PHLPP1: variants seen among roughly 807,000 people sequenced by gnomAD.
The protein encoded by PHLPP1 is PH domain and leucine rich repeat protein phosphatase 1.
PHLPP1 carries 42 observed loss-of-function variants against 117.2 expected under a neutral mutation model. The observed-to-expected ratio is 0.36, with a 90% CI of 0.28 to 0.46. PHLPP1 has a LOEUF of 0.46. Among genes scored for constraint, PHLPP1 ranks in the 20% least tolerant of loss-of-function variants. The probability of loss-of-function intolerance (pLI) is 1.00; values close to 1 mark genes in which losing one functional copy is unlikely to be tolerated. For missense variants in PHLPP1, 2,084 were observed against 2,241.9 expected (o/e 0.93, Z 1.42); for synonymous variants, 1,042 against 970.7 (o/e 1.07, Z -1.37).
At chr18:62,912,472 A>G (rs141484364) in intron 8 of PHLPP1, among the ~76,000 whole-genome samples, 2 of 151,988 alleles carry the variant, frequency 1.3e-5, no homozygotes, top group African/African-American at 4.8e-5. Context: ...ATCAGACATT[A>G]CCTAATTAGT....
chr18:62,752,713 A>G (rs1349107869), intron 1 of PHLPP1, among the ~76,000 whole-genome samples: 1 of 152,224 alleles, frequency 6.6e-6, no homozygotes, highest in Non-Finnish European at 1.5e-5. Flanking sequence ...TGAATACATT[A>G]TCAGGGGATG....
intron 3 of PHLPP1, among the ~76,000 whole-genome samples, chr18:62,846,797 T>A (rs559020132): frequency 7.9e-5 from 12 of 152,340 alleles, no homozygotes; most frequent in African/African-American, 2.6e-4. Flanking sequence ...TTGGATTGTA[T>A]TAAGTTTTTG....
chr18:62,755,561 G>C (rs1911990376), intron 1 of PHLPP1, among the ~76,000 whole-genome samples: 1 of 152,156 alleles, frequency 6.6e-6, no homozygotes, highest in South Asian at 2.1e-4. Context: ...GCCTGAGAGA[G>C]ACTATTCTTC....
chr18:62,871,149 T>C (rs1915890996), intron 4 of PHLPP1, among the ~76,000 whole-genome samples: 1 of 152,166 alleles, frequency 6.6e-6, no homozygotes, highest in Non-Finnish European at 1.5e-5. Flanking sequence ...GTAGAGTCAG[T>C]GAAGAAGACA....
Position 62,978,321 on chromosome 18 carries a change from TC to T in PHLPP1, c.4047del (p.Ser1350ValfsTer13). On this transcript the variant is annotated frameshift_variant, in exon 17 of 17. Transcript: ENST00000262719. LOFTEE classifies it low-confidence loss of function (END_TRUNC). This position sits in a 1 kb window ranked among gnomAD's most constrained non-coding sequence, Gnocchi z 7.0. ...GCATCCTGGGCTACACCTTCCTCCA[TC>T]CCAGTGTGGTGCCTCGCCCCCACGT... ...TRILGYTFLH[P>X]SVVPRPHVQS... The T allele has an allele frequency of 6.2e-7, 1 of 1,613,228 alleles. No individual in the cohort carries two copies. Among genetic ancestry groups the T allele is most frequent in the Non-Finnish European group, 8.5e-7 (1 of 1,179,458 alleles).
chr18:62,727,449 A>G (rs1239672573), intron 1 of PHLPP1, among the ~76,000 whole-genome samples: 2 of 151,700 alleles, frequency 1.3e-5, no homozygotes, highest in Non-Finnish European at 2.9e-5. Context: ...TCTCTACAAA[A>G]TAATAATAAT....
intron 4 of PHLPP1, among the ~76,000 whole-genome samples, chr18:62,883,788 A>C (rs1183036733): frequency 6.6e-6 from 1 of 152,256 alleles, no homozygotes; most frequent in Non-Finnish European, 1.5e-5. Flanking sequence ...CACCTCCAGC[A>C]GGGTTTAAGA....
intron 4 of PHLPP1, among the ~76,000 whole-genome samples, chr18:62,871,404 T>G (rs970654326): frequency 6.6e-6 from 1 of 152,106 alleles, no homozygotes; most frequent in African/African-American, 2.4e-5. Flanking sequence ...CTCGGCTCAC[T>G]GCAACCTCTG....
intron 1 of PHLPP1, among the ~76,000 whole-genome samples, chr18:62,793,220 A>G (rs1003579265): frequency 6.6e-6 from 1 of 152,202 alleles, no homozygotes; most frequent in Non-Finnish European, 1.5e-5. Flanking sequence ...TTATCGAGTG[A>G]ATGTAGATTG....
rs1911247785 is a variant in PHLPP1 at position 62,978,126 on chromosome 18, C to A, written c.3985-136C>A. 3.3e-6 allele frequency: 2 copies of A among 606,022 alleles called. No homozygotes were observed. Among genetic ancestry groups the A allele is most frequent in the Non-Finnish European group, 5.9e-6 (2 of 338,136 alleles). 37.5% of individuals were successfully genotyped at this position (606,022 alleles called of 1,614,324 possible). Reference sequence around the variant, plus strand: ...TTAACTACTCACTACAGAGTGAGCCCTTCTTTCCTCTGTGGGCCACACAGC... The same window carrying A: ...TTAACTACTCACTACAGAGTGAGCCATTCTTTCCTCTGTGGGCCACACAGC... On this transcript the variant is annotated intron_variant, in intron 16 of 16. Transcript: ENST00000262719. The surrounding 1 kb of genome is among the most constrained non-coding windows in gnomAD (Gnocchi z 7.0).
chr18:62,881,185 A>G (rs562423820), intron 4 of PHLPP1, among the ~76,000 whole-genome samples: 11 of 152,324 alleles, frequency 7.2e-5, no homozygotes, highest in African/African-American at 2.6e-4. Context: ...TCAAGGCTGC[A>G]GTGAGCTATG....
At chr18:62,926,428 G>A (rs955527821) in intron 10 of PHLPP1, among the ~76,000 whole-genome samples, 2 of 152,120 alleles carry the variant, frequency 1.3e-5, no homozygotes, top group Admixed American at 6.5e-5. Context: ...GAGGCCCTTC[G>A]TAGATTATCA....
intron 1 of PHLPP1, among the ~76,000 whole-genome samples, chr18:62,747,885 A>G (rs1911725204): frequency 6.6e-6 from 1 of 152,190 alleles, no homozygotes; most frequent in Non-Finnish European, 1.5e-5. Context: ...ATACATCAGA[A>G]TTTGTAAATT....
chr18:62,921,709 T>C (rs1406373324), intron 10 of PHLPP1, among the ~76,000 whole-genome samples: 1 of 152,240 alleles, frequency 6.6e-6, no homozygotes, highest in Non-Finnish European at 1.5e-5. Context: ...TTATATTTTT[T>C]TCTTCCTCAT....
At position 62,769,402 on chromosome 18, in the gene PHLPP1, A is replaced by G. The variant is rs545762001; in HGVS notation, c.1576+52143A>G. 2.6e-5 allele frequency among the ~76,000 whole-genome samples: 4 copies of G among 152,374 alleles called. No homozygotes were observed. The South Asian group carries it at 8.3e-4, about 32-fold the overall frequency. On this transcript the variant is annotated intron_variant, in intron 1 of 16. Transcript: ENST00000262719. ...AAAAAAGATGATTTCTGATTTTGAA[A>G]TGAGTAGAATAACTAGATGTGATTG...
chr18:62,842,132 A>G (rs1005766145), intron 3 of PHLPP1, among the ~76,000 whole-genome samples: 50 of 152,348 alleles, frequency 3.3e-4, no homozygotes, highest in African/African-American at 1.1e-3. Flanking sequence ...CAATAAAATA[A>G]TTTTATGATG....
At chr18:62,815,321 C>G (rs1438779593) in intron 1 of PHLPP1, among the ~76,000 whole-genome samples, 19 of 152,054 alleles carry the variant, frequency 1.2e-4, no homozygotes, top group Non-Finnish European at 1.5e-5. Context: ...CCACGCCCGG[C>G]TAATTTTTTG....
intron 4 of PHLPP1, among the ~76,000 whole-genome samples, chr18:62,869,802 C>G (rs12454679): frequency 0.069 from 10,448 of 152,254 alleles, 501 homozygotes; most frequent in Non-Finnish European, 0.1. Flanking sequence ...GAAGATAGGC[C>G]TAGGGGACTT....
At chr18:62,859,325 G>A (rs1449501474) in intron 3 of PHLPP1, among the ~76,000 whole-genome samples, 1 of 152,218 alleles carries the variant, frequency 6.6e-6, no homozygotes, top group African/African-American at 2.4e-5. Context: ...GAGAAATACA[G>A]GGTGGTCAGT....
Sources: allele counts gnomAD v4.1 joint callset (sites outside exome capture counted in the v4.1 genomes callset), GRCh38; gene constraint gnomAD v4.1.1; non-coding constraint Gnocchi (gnomAD v3.1); transcripts MANE v1.5; gene names NCBI Gene and HGNC (gene_info 2026-07-23, HGNC 2026-07-21).